The following FRMPD4 variants were observed in gnomAD, a reference collection of about 807,000 sequenced individuals.
FRMPD4 encodes the protein FERM and PDZ domain-containing protein 4.
In FRMPD4, 22 loss-of-function variants were observed where a neutral mutation model predicts 94.1. The ratio of observed to expected loss-of-function variants is 0.23; its 90% confidence interval spans 0.17 to 0.33. The LOEUF is 0.33. Ranked by LOEUF, FRMPD4 falls within the 10% of genes least tolerant of loss-of-function variation. The pLI, the probability that FRMPD4 is intolerant of heterozygous loss-of-function variation, is 1.00. For missense variants in FRMPD4, 1,111 were observed against 1,339.9 expected, an observed-to-expected ratio of 0.83 and a Z score of 2.67; for synonymous variants, 631 against 548.6, an observed-to-expected ratio of 1.15 and a Z score of -2.10.
At chrX:12,389,343 T>C (rs1454432103) in intron 1 of FRMPD4, among the ~76,000 whole-genome samples, 1 of 109,081 alleles carries the variant, frequency 9.2e-6, no homozygotes, top group East Asian at 2.9e-4. Flanking sequence ...GGCGTGATGG[T>C]GCATACCTGC....
At chrX:12,441,292 A>G (rs1228748074) in intron 1 of FRMPD4, among the ~76,000 whole-genome samples, 2 of 112,520 alleles carry the variant, frequency 1.8e-5, no homozygotes, top group African/African-American at 6.5e-5. Context: ...CAAATTGCAT[A>G]TTTAAAAAAC....
At chrX:12,535,613 A>G (rs2058331424) in intron 2 of FRMPD4, among the ~76,000 whole-genome samples, 1 of 112,435 alleles carries the variant, frequency 8.9e-6, no homozygotes, top group African/African-American at 3.2e-5. Context: ...TCAACTGCAA[A>G]TAAGGGTAAA....
intron 2 of FRMPD4, among the ~76,000 whole-genome samples, chrX:12,575,145 A>G (rs2058797615): frequency 8.9e-6 from 1 of 111,770 alleles, no homozygotes; most frequent in Non-Finnish European, 1.9e-5. Context: ...GTACATGATT[A>G]TTTGAATGCT....
chrX:12,069,895 A>G (rs1340671756), intron 3 of FRMPD4, among the ~76,000 whole-genome samples: 1 of 109,825 alleles, frequency 9.1e-6, no homozygotes, highest in Admixed American at 9.7e-5. Flanking sequence ...GTGACCTTGT[A>G]TGAGTAGTCT....
In FRMPD4 at chrX:12,304,660, G is replaced by T. The variant is rs759486665; in HGVS notation, c.41+165648G>T. On this transcript the variant is annotated intron_variant, in intron 1 of 16. Transcript: ENST00000675598. ...TCAACAGAGAAAGAGCAGCCTCCTC[G>T]CCTGCTTCAGCCCAGTGGAGCCATT... is the stretch of plus-strand genomic sequence containing the variant. Among the ~76,000 whole-genome samples the T allele has an allele frequency of 2.7e-4, 30 of 111,664 alleles. No individual in the cohort carries two copies. The South Asian group carries it at 0.011, about 41-fold the overall frequency.
chrX:12,606,220 G>A (rs2059131048), intron 2 of FRMPD4, among the ~76,000 whole-genome samples: 2 of 112,346 alleles, frequency 1.8e-5, no homozygotes, highest in South Asian at 7.5e-4. Flanking sequence ...TCAAGCTCCA[G>A]AAGTTTTAAG....
At chrX:12,630,330 T>G (rs1173672313) in intron 4 of FRMPD4, among the ~76,000 whole-genome samples, 6 of 112,491 alleles carry the variant, frequency 5.3e-5, no homozygotes, top group Non-Finnish European at 1.1e-4. Context: ...ATAGATGATA[T>G]TAATACATAA....
At chrX:12,167,243 G>T (rs759074166) in intron 1 of FRMPD4, among the ~76,000 whole-genome samples, 4 of 111,703 alleles carry the variant, frequency 3.6e-5, no homozygotes, top group Non-Finnish European at 7.5e-5. Flanking sequence ...AGAGATTCTG[G>T]TATGTTGTGT....
intron 1 of FRMPD4, among the ~76,000 whole-genome samples, chrX:12,200,060 T>C (rs939860288): frequency 9.0e-6 from 1 of 111,504 alleles, no homozygotes; most frequent in Non-Finnish European, 1.9e-5. Context: ...AATAGTGATG[T>C]TGTCACCAGG....
chrX:12,202,020 A>G (rs1420109793), intron 1 of FRMPD4, among the ~76,000 whole-genome samples: 51 of 105,841 alleles, frequency 4.8e-4, no homozygotes, highest in African/African-American at 1.7e-3. Context: ...CTCTCATGCC[A>G]TTGTATTTCT....
intron 2 of FRMPD4, among the ~76,000 whole-genome samples, chrX:11,874,372 A>G (rs1236613002): frequency 9.0e-6 from 1 of 111,522 alleles, no homozygotes; most frequent in African/African-American, 3.3e-5. Context: ...CTGGTCTCGA[A>G]CTCCTGGGCT....
chrX:12,451,959 A>G (rs866511970), intron 1 of FRMPD4, among the ~76,000 whole-genome samples: 2 of 110,237 alleles, frequency 1.8e-5, no homozygotes, highest in Non-Finnish European at 1.9e-5. Context: ...CCTTTCTACT[A>G]TTCTCTAATA....
intron 2 of FRMPD4, among the ~76,000 whole-genome samples, chrX:12,609,226 G>A (rs1040412953): frequency 2.2e-4 from 25 of 111,403 alleles, no homozygotes; most frequent in African/African-American, 7.8e-4. Context: ...ACAGGGGATG[G>A]TCTTGCTGTC....
At chrX:12,648,314 C>A (rs1351775092) in intron 4 of FRMPD4, among the ~76,000 whole-genome samples, 2 of 111,777 alleles carry the variant, frequency 1.8e-5, no homozygotes, top group African/African-American at 6.5e-5. Flanking sequence ...TAAGCAGACC[C>A]CATGCATCCC....
intron 4 of FRMPD4, among the ~76,000 whole-genome samples, chrX:12,639,516 C>T (rs1419209946): frequency 8.9e-6 from 1 of 111,860 alleles, no homozygotes; most frequent in Non-Finnish European, 1.9e-5. Flanking sequence ...GAATAGCAGG[C>T]CACTTTTTAC....
chrX:11,829,452 G>GT (rs1435855587), intron 1 of FRMPD4, among the ~76,000 whole-genome samples: 20 of 111,922 alleles, frequency 1.8e-4, no homozygotes, highest in Non-Finnish European at 3.0e-4. Context: ...TTAACTAACT[G>GT]TTGGATACTA....
chrX:12,568,558 A>G (rs1349064442), intron 2 of FRMPD4, among the ~76,000 whole-genome samples: 3 of 112,263 alleles, frequency 2.7e-5, no homozygotes, highest in Non-Finnish European at 5.6e-5. Flanking sequence ...TAAATGATAA[A>G]CTTTTTATGT....
chrX:12,075,958 T>C (rs1371766613), intron 3 of FRMPD4, among the ~76,000 whole-genome samples: 2 of 112,330 alleles, frequency 1.8e-5, no homozygotes, highest in Non-Finnish European at 1.9e-5. Flanking sequence ...CTCAGAAAAT[T>C]ATTCTATGAA....
intron 3 of FRMPD4, among the ~76,000 whole-genome samples, chrX:11,959,975 A>C (rs756520899): frequency 7.2e-5 from 8 of 111,451 alleles, no homozygotes; most frequent in Non-Finnish European, 1.3e-4. Flanking sequence ...TTGGTGGCTC[A>C]AGTGTTTCAA....
Sources: gnomAD v4.1 joint callset for allele counts (sites outside exome capture counted in the v4.1 genomes callset) on GRCh38, gnomAD v4.1.1 for gene constraint, MANE v1.5 for transcripts, NCBI Gene and HGNC (gene_info 2026-07-23, HGNC 2026-07-21) for gene names.